HYAL4: variants seen among roughly 807,000 people sequenced by gnomAD.
HYAL4 encodes the protein hyaluronidase 4.
HYAL4 carries 37 observed loss-of-function variants against 35.2 expected under a neutral mutation model. The observed-to-expected ratio is 1.05, with a 90% CI of 0.81 to 1.38. The LOEUF (loss-of-function observed/expected upper bound fraction) is 1.38, where lower values mean the gene tolerates loss of function less well. Ranked by LOEUF, HYAL4 falls within the 40% of genes most tolerant of loss-of-function variation. HYAL4 has a pLI of 0.00. For synonymous variants in HYAL4, 198 were observed against 203.2 expected, an observed-to-expected ratio of 0.97 and a Z score of 0.22; for missense variants, 572 against 572.4, an observed-to-expected ratio of 1.00 and a Z score of 0.01.
At chr7:123,844,846 G>A (rs1218704501), upstream of HYAL4, among the ~76,000 whole-genome samples, 2 of 152,188 alleles carry the variant, frequency 1.3e-5, no homozygotes, top group Non-Finnish European at 2.9e-5. Context: ...GCCAGGCACG[G>A]GAATCACCTT....
the HYAL4 span, among the ~76,000 whole-genome samples, chr7:123,817,972 A>G: frequency 6.6e-6 from 1 of 151,632 alleles, no homozygotes; most frequent in Non-Finnish European, 1.5e-5. Flanking sequence ...CCGCCTCCTG[A>G]ATTCAAGAGA....
chr7:123,783,791 G>A, the HYAL4 span, among the ~76,000 whole-genome samples: 1,047 of 152,284 alleles, frequency 6.9e-3, 6 homozygotes, highest in Non-Finnish European at 0.011. Flanking sequence ...TTAATGACTA[G>A]ACTTTATGTC....
At chr7:123,848,268 T>C (rs946311722) in intron 2 of HYAL4, 110 bp downstream of exon 2, 1 of 152,454 alleles carries the variant, frequency 6.6e-6, no homozygotes. Flanking sequence ...CAATTTCTTT[T>C]GCAGCCTAAC....
the HYAL4 span, among the ~76,000 whole-genome samples, chr7:123,800,181 T>A: frequency 2.6e-5 from 4 of 151,398 alleles, no homozygotes; most frequent in African/African-American, 9.7e-5. Flanking sequence ...TTACTTTATT[T>A]ATTTTTTTGA....
At chr7:123,780,440 T>G in the HYAL4 span, among the ~76,000 whole-genome samples, 2 of 152,228 alleles carry the variant, frequency 1.3e-5, no homozygotes, top group Admixed American at 1.3e-4. Context: ...CAGAAAAGAC[T>G]GACACATGGC....
upstream of HYAL4, among the ~76,000 whole-genome samples, chr7:123,826,470 G>A (rs912232413): frequency 2.0e-5 from 3 of 152,124 alleles, no homozygotes; most frequent in South Asian, 2.1e-4. Context: ...TAATTGGATT[G>A]CCCGGTAAAC....
chr7:123,875,612 A>G (rs1461166444), intron 4 of HYAL4, among the ~76,000 whole-genome samples: 2 of 150,078 alleles, frequency 1.3e-5, no homozygotes, highest in African/African-American at 2.5e-5. Context: ...AGCCAAGATG[A>G]CACCACTGCA....
At chr7:123,864,136 C>T (rs1653035912) in intron 2 of HYAL4, among the ~76,000 whole-genome samples, 1 of 152,168 alleles carries the variant, frequency 6.6e-6, no homozygotes, top group African/African-American at 2.4e-5. Flanking sequence ...ACTATGAAAC[C>T]AAGGTCAACA....
chr7:123,875,656 C>CAAAAAAAA (rs1167401861), intron 4 of HYAL4, among the ~76,000 whole-genome samples: 1 of 62,726 alleles, frequency 1.6e-5, no homozygotes. Context: ...GACTCCATCT[C>CAAAAAAAA]AAAAAAAAAA....
the HYAL4 span, among the ~76,000 whole-genome samples, chr7:123,801,110 T>G: frequency 6.6e-6 from 1 of 152,082 alleles, no homozygotes; most frequent in Admixed American, 6.5e-5. Flanking sequence ...AGCGCAGGAG[T>G]TCGACACCCA....
At chr7:123,876,498 G>A (rs146302379) in intron 4 of HYAL4, among the ~76,000 whole-genome samples, 10 of 152,310 alleles carry the variant, frequency 6.6e-5, no homozygotes, top group African/African-American at 2.4e-4. Flanking sequence ...AAGTTCAGTT[G>A]CTTAGCCTGA....
At chr7:123,856,676 G>A (rs1273454450) in intron 2 of HYAL4, among the ~76,000 whole-genome samples, 2 of 152,136 alleles carry the variant, frequency 1.3e-5, no homozygotes, top group Non-Finnish European at 2.9e-5. Flanking sequence ...GGACCCATTC[G>A]AGGAGGCAGT....
the HYAL4 span, among the ~76,000 whole-genome samples, chr7:123,793,847 A>G: frequency 2.0e-5 from 3 of 152,228 alleles, no homozygotes. Flanking sequence ...AGATACCCCA[A>G]AATGTGGAAG....
chr7:123,765,136 G>T, the HYAL4 span, among the ~76,000 whole-genome samples: 8 of 152,040 alleles, frequency 5.3e-5, no homozygotes, highest in Non-Finnish European at 8.8e-5. Context: ...ATTTCTCAAA[G>T]AAAAATATAT....
At chr7:123,820,262 A>G in the HYAL4 span, among the ~76,000 whole-genome samples, 12 of 151,540 alleles carry the variant, frequency 7.9e-5, no homozygotes, top group East Asian at 1.9e-3. Context: ...CTATTTGTAT[A>G]TAAAGGTTTA....
chr7:123,840,709 T>C (rs1306629976), upstream of HYAL4, among the ~76,000 whole-genome samples: 1 of 152,002 alleles, frequency 6.6e-6, no homozygotes, highest in Non-Finnish European at 1.5e-5. Flanking sequence ...TCACATCCCT[T>C]GTAAATTGGA....
In HYAL4 at chr7:123,848,177, T is replaced by TC. The variant is rs1806216780; in HGVS notation, c.-52+21dup. On this transcript the variant is annotated intron_variant, in intron 2 of 4. Coordinates refer to ENST00000223026, the MANE Select transcript of HYAL4 (RefSeq NM_012269.3). Reference sequence around the variant, plus strand: ...AGCAAAGGTAAAATAGACTTTTTTTTCCTGTTTGTAAAAATTTTAAAAATT... The same window carrying TC: ...AGCAAAGGTAAAATAGACTTTTTTTTCCCTGTTTGTAAAAATTTTAAAAATT... 1 of 152,766 alleles carries TC rather than the reference T, an allele frequency of 6.5e-6. No individual in the cohort carries two copies. The highest frequency in any genetic ancestry group is 6.5e-5 in the Admixed American group (1 of 15,300). 9.5% of individuals were successfully genotyped at this position (152,766 alleles called of 1,614,324 possible). A position where few individuals can be genotyped will look rare whatever the true frequency, so the allele number is the denominator to read the frequency against.
At chr7:123,793,340 CCTAA>C in the HYAL4 span, among the ~76,000 whole-genome samples, 1 of 152,230 alleles carries the variant, frequency 6.6e-6, no homozygotes, top group Non-Finnish European at 1.5e-5. Context: ...TACCCTTATG[CCTAA>C]CTGTTTTACA....
chr7:123,820,472 A>G, the HYAL4 span, among the ~76,000 whole-genome samples: 1 of 151,760 alleles, frequency 6.6e-6, no homozygotes, highest in African/African-American at 2.4e-5. Flanking sequence ...AATCCCAGCT[A>G]CTCAGGAGGC....
Sources: gnomAD v4.1 joint callset for allele counts (sites outside exome capture counted in the v4.1 genomes callset) on GRCh38, gnomAD v4.1.1 for gene constraint, MANE v1.5 for transcripts, NCBI Gene and HGNC (gene_info 2026-07-23, HGNC 2026-07-21) for gene names.